The following RNLS variants were observed in gnomAD, a reference collection of about 807,000 sequenced individuals.
RNLS encodes renalase, FAD dependent amine oxidase, also known as renalase.
Under a neutral mutation model 39.8 loss-of-function variants are expected in RNLS, and 39 were observed. That is an observed-to-expected ratio of 0.98 (90% CI 0.76 to 1.28). The LOEUF is 1.28. RNLS is among the 50% of genes most tolerant of loss of function. RNLS has a pLI of 0.00. For missense variants in RNLS, 410 were observed against 413.3 expected, an observed-to-expected ratio of 0.99 and a Z score of 0.07; for synonymous variants, 147 against 150.7, an observed-to-expected ratio of 0.98 and a Z score of 0.18.
At chr10:88,180,224 A>G in the RNLS span, among the ~76,000 whole-genome samples, 1 of 152,212 alleles carries the variant, frequency 6.6e-6, no homozygotes. Context: ...ATTTTTAGCT[A>G]TCTGAAATTT....
intron 4 of RNLS, among the ~76,000 whole-genome samples, chr10:88,456,511 C>T (rs747426453): frequency 2.6e-5 from 4 of 152,022 alleles, no homozygotes; most frequent in Admixed American, 6.6e-5. Flanking sequence ...TGTCAAAGGT[C>T]AAGTAGCAAT....
intron 4 of RNLS, among the ~76,000 whole-genome samples, chr10:88,474,153 T>G (rs1297733898): frequency 1.3e-5 from 2 of 152,100 alleles, no homozygotes; most frequent in Non-Finnish European, 2.9e-5. Flanking sequence ...TGGGAGCAAA[T>G]CAAATTATAC....
At chr10:88,510,803 C>T (rs1234043752) in intron 4 of RNLS, among the ~76,000 whole-genome samples, 2 of 150,488 alleles carry the variant, frequency 1.3e-5, no homozygotes, top group Non-Finnish European at 3.0e-5. Context: ...GCCAAGATCG[C>T]GCCACTGCAC....
In RNLS at chr10:88,343,660, A is replaced by C. The variant is rs1427316941; in HGVS notation, c.700+18892T>G. 2.9e-5 allele frequency: 29 copies of C among 985,264 alleles called. No homozygotes were observed. The Admixed American group carries it at 1.8e-3, about 61-fold the overall frequency. 61.0% of individuals were successfully genotyped at this position (985,264 alleles called of 1,614,324 possible). On this transcript the variant is annotated intron_variant, in intron 5 of 6. Transcript: ENST00000331772. ...AATTCCATAGATTCTGTCCATTCAA[A>C]GAAAAGGCCACATTTAGTGAGACTG...
chr10:88,418,835 A>G (rs890074489), intron 4 of RNLS, among the ~76,000 whole-genome samples: 6 of 152,224 alleles, frequency 3.9e-5, no homozygotes, highest in Non-Finnish European at 8.8e-5. Flanking sequence ...TACAAATGGT[A>G]TGGAGAACCT....
chr10:88,366,453 T>C (rs997783438), intron 4 of RNLS, among the ~76,000 whole-genome samples: 1 of 151,114 alleles, frequency 6.6e-6, no homozygotes, highest in African/African-American at 2.4e-5. Flanking sequence ...TAGGTGTGTG[T>C]GTGTTTGTGT....
the RNLS span, among the ~76,000 whole-genome samples, chr10:88,241,219 A>G: frequency 6.6e-6 from 1 of 150,836 alleles, no homozygotes; most frequent in East Asian, 1.9e-4. Context: ...GTTATTTGTT[A>G]GGGGTTATTA....
At chr10:88,433,264 T>C (rs981064092) in intron 4 of RNLS, among the ~76,000 whole-genome samples, 10 of 151,984 alleles carry the variant, frequency 6.6e-5, no homozygotes, top group African/African-American at 2.4e-4. Flanking sequence ...AAGGTCCCTT[T>C]CTGAAAGATG....
At chr10:88,224,167 G>C in the RNLS span, among the ~76,000 whole-genome samples, 52 of 152,204 alleles carry the variant, frequency 3.4e-4, no homozygotes, top group African/African-American at 1.1e-3. Flanking sequence ...GACATGTATT[G>C]CTCACAATTT....
At chr10:88,357,337 GA>G (rs1329922527) in intron 5 of RNLS, among the ~76,000 whole-genome samples, 3 of 152,198 alleles carry the variant, frequency 2.0e-5, no homozygotes, top group Admixed American at 2.0e-4. Context: ...TCAAATTTAA[GA>G]TCCTGGGATG....
At chr10:88,539,838 T>C (rs1450193899) in intron 4 of RNLS, among the ~76,000 whole-genome samples, 1 of 152,120 alleles carries the variant, frequency 6.6e-6, no homozygotes, top group East Asian at 1.9e-4. Context: ...AGATAATTTA[T>C]CAAATATCAT....
intron 4 of RNLS, among the ~76,000 whole-genome samples, chr10:88,401,840 T>C (rs914554806): frequency 6.6e-6 from 1 of 151,908 alleles, no homozygotes; most frequent in Non-Finnish European, 1.5e-5. Context: ...GGGAGGGTGT[T>C]TTGCCTAATC....
intron 5 of RNLS, among the ~76,000 whole-genome samples, chr10:88,349,231 A>C (rs1266650852): frequency 6.6e-6 from 1 of 152,158 alleles, no homozygotes; most frequent in Non-Finnish European, 1.5e-5. Flanking sequence ...TTTGATTTCT[A>C]TAGTTAGCTG....
At chr10:88,185,091 A>C in the RNLS span, among the ~76,000 whole-genome samples, 3 of 152,320 alleles carry the variant, frequency 2.0e-5, no homozygotes, top group African/African-American at 7.2e-5. Context: ...CCGAGGTTAC[A>C]TAGTAGACAA....
At chr10:88,563,125 T>C (rs1269280702) in intron 4 of RNLS, among the ~76,000 whole-genome samples, 3 of 152,208 alleles carry the variant, frequency 2.0e-5, no homozygotes, top group Non-Finnish European at 4.4e-5. Flanking sequence ...ATTATAAAGA[T>C]GCCAATTCTT....
intron 5 of RNLS, chr10:88,343,464 T>C (rs1027907085): frequency 1.3e-6 from 1 of 795,356 alleles, no homozygotes; most frequent in Admixed American, 6.3e-5. Context: ...ATAATGAAAG[T>C]AGGCAATCAA....
chr10:88,467,050 G>A (rs1476813130), intron 4 of RNLS, among the ~76,000 whole-genome samples: 1 of 152,038 alleles, frequency 6.6e-6, no homozygotes, highest in Non-Finnish European at 1.5e-5. Context: ...AATTACAGTG[G>A]ACTCCAGTAG....
chr10:88,515,344 T>C (rs11202762), intron 4 of RNLS, among the ~76,000 whole-genome samples: 1 of 152,200 alleles, frequency 6.6e-6, no homozygotes, highest in East Asian at 1.9e-4. Context: ...ACTGCTTCAC[T>C]TAAACTCTAC....
intron 4 of RNLS, among the ~76,000 whole-genome samples, chr10:88,528,116 T>C (rs1454643046): frequency 6.6e-6 from 1 of 151,956 alleles, no homozygotes; most frequent in Non-Finnish European, 1.5e-5. Flanking sequence ...CATATATGCA[T>C]ATATTGGCAC....
Sources: allele counts gnomAD v4.1 joint callset (sites outside exome capture counted in the v4.1 genomes callset), GRCh38; gene constraint gnomAD v4.1.1; transcripts MANE v1.5; gene names NCBI Gene and HGNC (gene_info 2026-07-23, HGNC 2026-07-21).